TCOF1: variants seen among roughly 807,000 people sequenced by gnomAD.
TCOF1 encodes the protein treacle protein.
In TCOF1, 33 loss-of-function variants were observed where a neutral mutation model predicts 149.0. That is an observed-to-expected ratio of 0.22 (90% CI 0.17 to 0.30). The LOEUF (loss-of-function observed/expected upper bound fraction) is 0.30. Ranked by LOEUF, TCOF1 falls within the 10% of genes least tolerant of loss-of-function variation. The pLI, the probability that TCOF1 is intolerant of heterozygous loss-of-function variation, is 1.00. For synonymous variants in TCOF1, 789 were observed against 738.8 expected (o/e 1.07, Z -1.10); for missense variants, 1,728 against 1,840.7 (o/e 0.94, Z 1.12).
chr5:150,391,440 C>G (rs891135565), intron 19 of TCOF1, 104 bp from the exon 20 acceptor site: 2 of 1,018,268 alleles, frequency 2.0e-6, no homozygotes, highest in African/African-American at 3.2e-5. Flanking sequence ...CCCCTCAGTC[C>G]CTGCTCCAGC....
At chr5:150,379,989 T>A in intron 17 of TCOF1, 1 of 442,168 alleles carries the variant, frequency 2.3e-6, no homozygotes, top group East Asian at 4.9e-5. Flanking sequence ...GGAGAATCCC[T>A]AGAACCTGGG....
At chr5:150,385,864 C>G (rs57490146) in intron 17 of TCOF1, among the ~76,000 whole-genome samples, 12,707 of 152,122 alleles carry the variant, frequency 0.084, 699 homozygotes, top group East Asian at 0.24. Context: ...TGCTTCACTC[C>G]CATCAGTTTT....
chr5:150,376,538 A>G lies in TCOF1; in HGVS notation c.2258A>G (p.Gln753Arg), dbSNP rs768289762. 10 of 1,609,346 alleles carry G rather than the reference A, an allele frequency of 6.2e-6. No homozygotes were observed. Among genetic ancestry groups the G allele is most frequent in the Non-Finnish European group, 8.5e-6 (10 of 1,177,724 alleles). Reference sequence around the variant, plus strand: ...GGGAAGACGGGGCCTACAGTCACCCAGGTGAAAGCTGAAAAGCAGGAAGAC... The same window carrying G: ...GGGAAGACGGGGCCTACAGTCACCCGGGTGAAAGCTGAAAAGCAGGAAGAC... Reference protein sequence around the residue: ...LPGKTGPTVTQVKAEKQEDSE... With the variant: ...LPGKTGPTVTRVKAEKQEDSE... The change falls in exon 14 of 27, where the codon CAG becomes CGG. Residue 753 changes from glutamine to arginine, a missense_variant. This residue lies in a region of TCOF1 where 1,696 missense variants were observed against 1,765.4 expected (regional missense o/e 0.96). Transcript: ENST00000643257.
intron 14 of TCOF1, 116 bp downstream of exon 14, chr5:150,376,736 G>T: frequency 1.1e-5 from 11 of 1,035,432 alleles, no homozygotes; most frequent in Non-Finnish European, 1.5e-5. Context: ...CTCAGAGGTA[G>T]CCTCAACACA....
chr5:150,389,926 C>T lies in TCOF1; in HGVS notation c.3086C>T (p.Pro1029Leu), dbSNP rs1279989861. 2 of 1,614,102 alleles carry T rather than the reference C, an allele frequency of 1.2e-6. No homozygotes were observed. Among genetic ancestry groups the T allele is most frequent in the African/African-American group, 2.7e-5 (2 of 74,940 alleles). ...GTGGTGACCATGCCCACTGCCCACC[C>T]AAGAATAGCCCCCAAAGCCAGCATG... ...TNVVTMPTAHPRIAPKASMAG... is the reference protein window; with the variant it reads ...TNVVTMPTAHLRIAPKASMAG... The change falls in exon 19 of 27, where the codon CCA becomes CTA. Residue 1029 changes from proline to leucine, a missense_variant. Physicochemically the swap from Pro to Leu is moderately conservative, Grantham distance 98. Transcript: ENST00000643257.
Position 150,374,171 on chromosome 5 carries a change from C to A in TCOF1, c.871-3C>A, listed in dbSNP as rs778601230. On this transcript the variant is annotated splice_region_variant and splice_polypyrimidine_tract_variant and intron_variant, in intron 7 of 26. Transcript: ENST00000643257. ...GAGCAAGCTGCCCTTTCTTTTTCAC[C>A]AGGTAAAGGCCTCTGAAAAAATTCT... 9 of 1,610,528 alleles carry A rather than the reference C, an allele frequency of 5.6e-6. No individual in the cohort carries two copies. The South Asian group carries it at 8.8e-5, about 16-fold the overall frequency.
chr5:150,367,315 T>G (rs979608899), intron 3 of TCOF1, among the ~76,000 whole-genome samples: 6 of 152,082 alleles, frequency 3.9e-5, no homozygotes, highest in South Asian at 2.1e-4. Flanking sequence ...AGTAAATAAA[T>G]AAGCACTGAG....
rs184906127 is a variant in TCOF1, at chr5:150,389,186, C to T, written c.3047-701C>T. Among the ~76,000 whole-genome samples the T allele has an allele frequency of 6.2e-3, 938 of 152,228 alleles. 4 individuals are homozygous for T. The highest frequency in any genetic ancestry group is 0.021 in the African/African-American group (882 of 41,540). On this transcript the variant is annotated intron_variant, in intron 18 of 26. Coordinates refer to ENST00000643257, the MANE Select transcript of TCOF1 (RefSeq NM_001371623.1). ...AAAATACAGATTAGCACATAAGAAA[C>T]TATATCACCTGTAATTCTGCCCCAA...
At chr5:150,373,437 A>G (rs1233108452) in intron 7 of TCOF1, among the ~76,000 whole-genome samples, 5 of 152,362 alleles carry the variant, frequency 3.3e-5, no homozygotes, top group Non-Finnish European at 1.5e-5. Flanking sequence ...AGCAGCCTGC[A>G]CTTTCTGCAT....
chr5:150,362,931 T>C (rs1414173002), intron 2 of TCOF1, among the ~76,000 whole-genome samples: 1 of 152,226 alleles, frequency 6.6e-6, no homozygotes, highest in Non-Finnish European at 1.5e-5. Flanking sequence ...AGCAATTCCC[T>C]GCAGAGTTCA....
At chr5:150,392,342 C>A in intron 21 of TCOF1, 166 bp downstream of exon 21, 1 of 713,240 alleles carries the variant, frequency 1.4e-6, no homozygotes, top group Non-Finnish European at 2.3e-6. Context: ...GGAAGTCAAT[C>A]CAAATGATTT....
chr5:150,384,610 A>G (rs1317577606), intron 17 of TCOF1: 10 of 985,492 alleles, frequency 1.0e-5, no homozygotes, highest in Non-Finnish European at 1.2e-5. Flanking sequence ...GACTAACACA[A>G]TTAAAATGAA....
At chr5:150,357,911 C>T in intron 1 of TCOF1, 57 bp downstream of exon 1, 2 of 1,511,912 alleles carry the variant, frequency 1.3e-6, no homozygotes, top group Non-Finnish European at 1.8e-6. Context: ...GATCAGCGGC[C>T]CGCGGCCCGC....
chr5:150,398,566 G>A lies in TCOF1; in HGVS notation c.4443+115G>A, dbSNP rs1365555131. The A allele has an allele frequency of 2.4e-5, 36 of 1,521,232 alleles. No homozygotes were observed. In the South Asian group the frequency reaches 2.6e-4, roughly 11 times the overall value. 94.2% of individuals were successfully genotyped at this position (1,521,232 alleles called of 1,614,324 possible). On this transcript the variant is annotated intron_variant, in intron 25 of 26. Coordinates refer to ENST00000643257, the MANE Select transcript of TCOF1 (RefSeq NM_001371623.1). ...CCATTTTCGGGGCCCAGTCGGGGGC[G>A]TCAGGGGTTGTGACACACCAGGGAA...
At position 150,392,047 on chromosome 5, in the gene TCOF1, C is replaced by T. The variant is rs2151037430; in HGVS notation, c.3388C>T (p.Leu1130Phe). The T allele has an allele frequency of 3.1e-6, 5 of 1,614,252 alleles. No individual in the cohort carries two copies. The South Asian group carries it at 4.4e-5, about 14-fold the overall frequency. The change falls in exon 21 of 27, where the codon CTT (leucine) becomes TTT (phenylalanine). Residue 1130 changes from leucine to phenylalanine, a missense_variant. By Grantham distance (22) the Leu-to-Phe change is conservative (BLOSUM62 0). Around this residue, in one of 2 missense-constraint regions of TCOF1, gnomAD observed 1,696 missense variants for 1,765.4 expected, o/e 0.96. Transcript: ENST00000643257. ...GACCAACAAGCTCAGAAAACCTAAG[C>T]TTCCTGAGGTCCAGCAGGCCACCAA... is the stretch of plus-strand genomic sequence containing the variant. ...KGTNKLRKPKLPEVQQATKAP... is the reference protein window; with the variant it reads ...KGTNKLRKPKFPEVQQATKAP...
rs7701163 is a variant in TCOF1, at chr5:150,375,777, G to T, written c.1761G>T (p.Gly587=). 121,729 of 1,614,172 alleles carry T rather than the reference G, an allele frequency of 0.075. 5,089 individuals are homozygous for T. The highest frequency in any genetic ancestry group is 0.15 in the African/African-American group (11,565 of 75,034). Residue 587 remains glycine (G), a synonymous_variant, in exon 12 of 27, where the codon GGG becomes GGT. Coordinates refer to ENST00000643257, the MANE Select transcript of TCOF1 (RefSeq NM_001371623.1). ...QAKPTSSPAK[G]PPQKAGPVAV... is the part of the protein sequence containing the mutation. ...AACCCACCTCCAGTCCTGCCAAGGG[G>T]CCCCCTCAGAAGGCAGGGCCTGTAG...
In TCOF1 at chr5:150,396,799, A is replaced by G; in HGVS notation, c.4302A>G (p.Gln1434=). ...KGMGTVEGGD[Q]SNPKSKKEKK... is the part of the protein sequence containing the mutation. ...TGGGGACGGTTGAAGGTGGAGATCA[A>G]AGCAACCCAAAGAGCAAGAAGGAGA... The change falls in exon 24 of 27, where the codon CAA becomes CAG. Residue 1434 remains glutamine, a synonymous_variant. Coordinates refer to ENST00000643257, the MANE Select transcript of TCOF1 (RefSeq NM_001371623.1). The G allele has an allele frequency of 6.2e-7, 1 of 1,609,766 alleles. No homozygotes were observed. Among genetic ancestry groups the G allele is most frequent in the Non-Finnish European group, 8.5e-7 (1 of 1,178,520 alleles).
intron 17 of TCOF1, among the ~76,000 whole-genome samples, chr5:150,385,511 C>T (rs1313383844): frequency 6.6e-6 from 1 of 152,184 alleles, no homozygotes; most frequent in Non-Finnish European, 1.5e-5. Flanking sequence ...ATTTCTCAGT[C>T]CCCTGGAGTG....
In TCOF1 at chr5:150,364,098, A is replaced by G; in HGVS notation, c.165-15A>G. ...TGTCACCCAGTTGGTATAGACAGTC[A>G]CCCTTGTCCTGCAGAACCTCAGAGC... is the stretch of plus-strand genomic sequence containing the variant. On this transcript the variant is annotated splice_polypyrimidine_tract_variant and intron_variant, in intron 2 of 26. Coordinates refer to ENST00000643257, the MANE Select transcript of TCOF1 (RefSeq NM_001371623.1). The G allele has an allele frequency of 6.2e-7, 1 of 1,613,998 alleles. No homozygotes were observed. Among genetic ancestry groups the G allele is most frequent in the African/African-American group, 1.3e-5 (1 of 75,020 alleles).
Sources: allele counts gnomAD v4.1 joint callset (sites outside exome capture counted in the v4.1 genomes callset), GRCh38; gene constraint gnomAD v4.1.1; regional missense constraint gnomAD v4.1.1; transcripts MANE v1.5; gene names NCBI Gene and HGNC (gene_info 2026-07-23, HGNC 2026-07-21).